ZNF566: variants seen among roughly 807,000 people sequenced by gnomAD.
ZNF566 encodes the protein zinc finger protein 566.
In ZNF566, 27 loss-of-function variants were observed where a neutral mutation model predicts 32.8. The observed-to-expected ratio is 0.82, with a 90% CI of 0.61 to 1.14. The LOEUF (loss-of-function observed/expected upper bound fraction) is 1.14, where lower values mean the gene tolerates loss of function less well. Ranked by LOEUF, ZNF566 falls within the 50% of genes most tolerant of loss-of-function variation. The probability of loss-of-function intolerance (pLI) is 0.00; values close to 1 mark genes in which losing one functional copy is unlikely to be tolerated. For synonymous variants in ZNF566, 154 were observed against 159.5 expected (o/e 0.97, Z 0.26); for missense variants, 402 against 490.4 (o/e 0.82, Z 1.70).
intron 4 of ZNF566, among the ~76,000 whole-genome samples, chr19:36,462,607 T>C (rs1445020119): frequency 6.6e-6 from 1 of 151,958 alleles, no homozygotes; most frequent in Non-Finnish European, 1.5e-5. Context: ...TGAGATTGTC[T>C]GGAGGCTGGG....
Position 36,489,495 on chromosome 19 carries a change from AAGC to A in ZNF566, c.-72_-70del. On this transcript the variant is annotated 5_prime_UTR_variant, in exon 1 of 5. Coordinates refer to ENST00000452939, the MANE Select transcript of ZNF566 (RefSeq NM_001145344.1). ...TCACCTCAGGCCTTACCAGCTTTCG[AAGC>A]AGCAGAACCCTCCCCGGCACTGGGG... is the stretch of plus-strand genomic sequence containing the variant. 1 of 336,214 alleles carries A rather than the reference AAGC, an allele frequency of 3.0e-6. No individual in the cohort carries two copies. Among genetic ancestry groups the A allele is most frequent in the Non-Finnish European group, 5.8e-6 (1 of 171,324 alleles). 20.8% of individuals were successfully genotyped at this position (336,214 alleles called of 1,614,324 possible).
At chr19:36,480,199 T>C (rs1249985457) in intron 1 of ZNF566, among the ~76,000 whole-genome samples, 2 of 151,570 alleles carry the variant, frequency 1.3e-5, no homozygotes, top group Non-Finnish European at 2.9e-5. Flanking sequence ...TAAAACCAAA[T>C]AGAATATAGA....
chr19:36,469,688 ATT>A (rs2033715718), intron 4 of ZNF566, among the ~76,000 whole-genome samples: 1 of 152,238 alleles, frequency 6.6e-6, no homozygotes, highest in Admixed American at 6.5e-5. Flanking sequence ...AAAATTAACC[ATT>A]CTTAAAGAGT....
chr19:36,452,368 A>G (rs979843517), intron 4 of ZNF566, among the ~76,000 whole-genome samples: 12 of 151,752 alleles, frequency 7.9e-5, no homozygotes, highest in African/African-American at 2.9e-4. Context: ...TTAGGGTTGT[A>G]AAAGAGGTCT....
intron 4 of ZNF566, among the ~76,000 whole-genome samples, chr19:36,471,213 CAAAAA>C (rs66905791): frequency 1.9e-5 from 2 of 107,486 alleles, no homozygotes; most frequent in Admixed American, 1.0e-4. Context: ...GACTCTGTCT[CAAAAA>C]AAAAAAAAAA....
At chr19:36,484,739 A>G (rs553998277) in intron 1 of ZNF566, among the ~76,000 whole-genome samples, 2 of 151,948 alleles carry the variant, frequency 1.3e-5, no homozygotes, top group East Asian at 3.9e-4. Context: ...ACAGGTGCCC[A>G]CCACCATGCC....
At position 36,470,502 on chromosome 19, in the gene ZNF566, T is replaced by C. The variant is rs141753548; in HGVS notation, c.232+2409A>G. 2.9e-3 allele frequency among the ~76,000 whole-genome samples: 445 copies of C among 152,316 alleles called. 3 individuals are homozygous for C. Among genetic ancestry groups the C allele is most frequent in the African/African-American group, 0.01 (417 of 41,568 alleles). ...TCCACTGCCACTGATAACATTTCAA[T>C]GGTCTCTGAGCCATCACTGTATCTC... On this transcript the variant is annotated intron_variant, in intron 4 of 4. Coordinates refer to ENST00000452939, the MANE Select transcript of ZNF566 (RefSeq NM_001145344.1).
At chr19:36,469,780 CA>C (rs1348222433) in intron 4 of ZNF566, among the ~76,000 whole-genome samples, 1 of 152,054 alleles carries the variant, frequency 6.6e-6, no homozygotes, top group Non-Finnish European at 1.5e-5. Flanking sequence ...CTATCCTAAG[CA>C]AATACAGAAA....
intron 1 of ZNF566, among the ~76,000 whole-genome samples, chr19:36,485,767 A>G (rs1345356914): frequency 6.8e-6 from 1 of 146,456 alleles, no homozygotes; most frequent in Non-Finnish European, 1.5e-5. Flanking sequence ...CGTCTCAAAA[A>G]AAAAGCGGTC....
rs1280948357 is a variant in ZNF566 at position 36,445,373 on chromosome 19, G to A, written c.*3604C>T. On this transcript the variant is annotated 3_prime_UTR_variant, in exon 5 of 5. Coordinates refer to ENST00000452939, the MANE Select transcript of ZNF566 (RefSeq NM_001145344.1). Reference sequence around the variant, plus strand: ...GAAACAAGTCTGACATCCTGCATTAGATCGTATAATCAATTCCTGATGTAT... The same window carrying A: ...GAAACAAGTCTGACATCCTGCATTAAATCGTATAATCAATTCCTGATGTAT... 1 of 152,134 alleles carries A rather than the reference G, an allele frequency of 6.6e-6. No homozygotes were observed. The highest frequency in any genetic ancestry group is 1.5e-5 in the Non-Finnish European group (1 of 68,030). The allele number at this position is 152,134 out of a possible 1,614,324, so 9.4% of individuals were successfully genotyped here. A position where few individuals can be genotyped will look rare whatever the true frequency, so the allele number is the denominator to read the frequency against.
At chr19:36,472,841 C>T (rs73049826) in intron 4 of ZNF566, 70 bp downstream of exon 4, 267,412 of 1,280,266 alleles carry the variant, frequency 0.21, 29,905 homozygotes, top group Middle Eastern at 0.24. Context: ...GGAGAGTTTC[C>T]CAGATAGCAT....
At chr19:36,466,088 A>G (rs1362536020) in intron 4 of ZNF566, among the ~76,000 whole-genome samples, 1 of 152,138 alleles carries the variant, frequency 6.6e-6, no homozygotes, top group East Asian at 1.9e-4. Flanking sequence ...AGATTGAAAA[A>G]TACTACCAGG....
intron 4 of ZNF566, among the ~76,000 whole-genome samples, chr19:36,458,291 A>G (rs1397861590): frequency 6.6e-6 from 1 of 152,198 alleles, no homozygotes; most frequent in Non-Finnish European, 1.5e-5. Flanking sequence ...GTGTGTGTAT[A>G]TATACAAATA....
intron 1 of ZNF566, among the ~76,000 whole-genome samples, chr19:36,481,493 A>G (rs2034031817): frequency 2.7e-5 from 4 of 150,592 alleles, no homozygotes; most frequent in South Asian, 4.2e-4. Flanking sequence ...AAAAAAAAAA[A>G]AAGAAAAGAA....
rs1463372410 is a variant in ZNF566, at chr19:36,448,883, T to C, written c.*94A>G. On this transcript the variant is annotated 3_prime_UTR_variant, in exon 5 of 5. Coordinates refer to ENST00000452939, the MANE Select transcript of ZNF566 (RefSeq NM_001145344.1). ...CTGTAGTCCACAAATAAAATGTTTCTACATTATTCTATCTAGAGGAATTAT... is the reference window on the plus strand; with the variant it reads ...CTGTAGTCCACAAATAAAATGTTTCCACATTATTCTATCTAGAGGAATTAT... 9 of 1,066,928 alleles carry C rather than the reference T, an allele frequency of 8.4e-6. No homozygotes were observed. The highest frequency in any genetic ancestry group is 1.0e-5 in the Non-Finnish European group (8 of 765,998). 66.1% of individuals were successfully genotyped at this position (1,066,928 alleles called of 1,614,324 possible).
rs2385797 is a variant in ZNF566, at chr19:36,448,670, C to T, written c.*307G>A. 0.25 allele frequency: 50,771 copies of T among 203,010 alleles called. 6,664 individuals carry two copies. The highest frequency in any genetic ancestry group is 0.37 in the South Asian group (2,041 of 5,546). 12.6% of individuals were successfully genotyped at this position (203,010 alleles called of 1,614,324 possible). A position where few individuals can be genotyped will look rare whatever the true frequency, so the allele number is the denominator to read the frequency against. On this transcript the variant is annotated 3_prime_UTR_variant, in exon 5 of 5. Coordinates refer to ENST00000452939, the MANE Select transcript of ZNF566 (RefSeq NM_001145344.1). Reference sequence around the variant, plus strand: ...AGGACTACATTTCTACAAAAATTCTCTGACGTTAAGAAGGTTAGAAAGGTG... The same window carrying T: ...AGGACTACATTTCTACAAAAATTCTTTGACGTTAAGAAGGTTAGAAAGGTG...
intron 1 of ZNF566, among the ~76,000 whole-genome samples, chr19:36,480,583 C>A (rs1331162260): frequency 8.0e-6 from 1 of 125,618 alleles, no homozygotes; most frequent in Non-Finnish European, 1.8e-5. Flanking sequence ...CCTTGCCCAG[C>A]CTCCATGCAG....
Position 36,486,443 on chromosome 19 carries a change from A to G in ZNF566, c.-60+3043T>C, listed in dbSNP as rs543409623. On this transcript the variant is annotated intron_variant, in intron 1 of 4. Transcript: ENST00000452939. ...TCCCAGCACTTTGGGAGGACAAGGC[A>G]GTTGGATCACCTGAGATCAGGAGTT... is the stretch of plus-strand genomic sequence containing the variant. Among the ~76,000 whole-genome samples the G allele has an allele frequency of 2.6e-5, 4 of 152,174 alleles. No individual in the cohort carries two copies. In the South Asian group the frequency reaches 8.3e-4, roughly 32 times the overall value.
At chr19:36,453,408 G>C (rs550070272) in intron 4 of ZNF566, among the ~76,000 whole-genome samples, 144 of 151,368 alleles carry the variant, frequency 9.5e-4, no homozygotes, top group African/African-American at 3.0e-3. Context: ...AGGAGGCAGA[G>C]GTTGCAGTGA....
Sources: gnomAD v4.1 joint callset for allele counts (sites outside exome capture counted in the v4.1 genomes callset) on GRCh38, gnomAD v4.1.1 for gene constraint, MANE v1.5 for transcripts, NCBI Gene and HGNC (gene_info 2026-07-23, HGNC 2026-07-21) for gene names.